Variants in SEC23A observed in about 807,000 individuals in gnomAD.
SEC23A encodes the protein SEC23 homolog A, COPII component, also known as protein transport protein Sec23A.
SEC23A carries 56 observed loss-of-function variants against 103.7 expected under a neutral mutation model. The observed-to-expected ratio is 0.54, with a 90% confidence interval of 0.44 to 0.67. The LOEUF (loss-of-function observed/expected upper bound fraction) is 0.67, where lower values mean the gene tolerates loss of function less well. Among genes scored for constraint, SEC23A ranks in the 30% least tolerant of loss-of-function variants. SEC23A has a pLI of 0.00. For synonymous variants in SEC23A, 281 were observed against 293.0 expected (o/e 0.96, Z 0.42); for missense variants, 784 against 936.4 (o/e 0.84, Z 2.12).
rs925992183 is a variant in SEC23A, at chr14:39,103,191, C to A, written c.-181G>T. ...GGCGCCACCCCGCCCCGGGCCTCAG[C>A]GAAGACCTCCGCCCGGCCAACATGG... On this transcript the variant is annotated 5_prime_UTR_variant, in exon 1 of 20. Coordinates refer to ENST00000307712, the MANE Select transcript of SEC23A (RefSeq NM_006364.4). The A allele has an allele frequency of 6.6e-6, 1 of 152,552 alleles. No homozygotes were observed. Among genetic ancestry groups the A allele is most frequent in the Admixed American group, 6.5e-5 (1 of 15,308 alleles). 9.4% of individuals were successfully genotyped at this position (152,552 alleles called of 1,614,324 possible). A position where few individuals can be genotyped will look rare whatever the true frequency, so the allele number is the denominator to read the frequency against.
chr14:39,076,096 A>G lies in SEC23A; in HGVS notation c.829-3T>C, dbSNP rs774044821. The G allele has an allele frequency of 1.2e-6, 2 of 1,604,528 alleles. No homozygotes were observed. The highest frequency in any genetic ancestry group is 1.1e-5 in the South Asian group (1 of 90,082). ...GCACCAGTGTTGGGAAAAGTACACT[A>G]TTAAAAAAAAAGTCAAGAGTTTAAA... On this transcript the variant is annotated splice_region_variant and splice_polypyrimidine_tract_variant and intron_variant, in intron 7 of 19. Coordinates refer to ENST00000307712, the MANE Select transcript of SEC23A (RefSeq NM_006364.4).
At chr14:39,071,727 C>T (rs886237283) in intron 9 of SEC23A, among the ~76,000 whole-genome samples, 5 of 149,912 alleles carry the variant, frequency 3.3e-5, no homozygotes, top group African/African-American at 4.9e-5. Context: ...ATTAGTTGGG[C>T]GTGGTGGCAG....
chr14:39,102,180 C>A (rs1251940673), intron 1 of SEC23A, among the ~76,000 whole-genome samples: 1 of 151,486 alleles, frequency 6.6e-6, no homozygotes, highest in Non-Finnish European at 1.5e-5. Context: ...TGCAGTGAGC[C>A]GAGATTGCGC....
At chr14:39,034,174 C>G (rs1341662655) in intron 19 of SEC23A, among the ~76,000 whole-genome samples, 2 of 152,178 alleles carry the variant, frequency 1.3e-5, no homozygotes, top group Admixed American at 6.5e-5. Flanking sequence ...GAGGCAATCC[C>G]TTACTGGGAT....
intron 18 of SEC23A, 137 bp from the exon 19 acceptor site, chr14:39,039,233 G>T (rs962539825): frequency 4.1e-6 from 3 of 735,556 alleles, no homozygotes; most frequent in Admixed American, 5.3e-5. Context: ...ATTTTTAAAA[G>T]ATTAAACTTT....
intron 19 of SEC23A, among the ~76,000 whole-genome samples, chr14:39,038,814 C>T (rs1398400312): frequency 1.3e-5 from 2 of 152,176 alleles, no homozygotes; most frequent in East Asian, 1.9e-4. Context: ...TGCTTTTTGT[C>T]TCAAGGGTAT....
At chr14:39,074,394 T>C in intron 9 of SEC23A, 21 bp downstream of exon 9, 7 of 1,451,190 alleles carry the variant, frequency 4.8e-6, no homozygotes, top group Non-Finnish European at 6.8e-6. Flanking sequence ...TTACAAAAAC[T>C]GTAAAAATTT....
At chr14:39,055,001 A>G in intron 14 of SEC23A, 142 bp downstream of exon 14, 1 of 902,092 alleles carries the variant, frequency 1.1e-6, no homozygotes, top group South Asian at 1.5e-5. Context: ...TTACTGTGCT[A>G]CTGTCTCAGT....
intron 19 of SEC23A, among the ~76,000 whole-genome samples, chr14:39,035,766 A>G (rs1566477410): frequency 1.3e-5 from 2 of 152,244 alleles, no homozygotes; most frequent in Non-Finnish European, 2.9e-5. Flanking sequence ...TGGAAAATCA[A>G]AAATGAAAAT....
Position 39,095,991 on chromosome 14 carries a change from G to A in SEC23A, c.128C>T (p.Thr43Ile), listed in dbSNP as rs1384960060. 3.1e-6 allele frequency: 5 copies of A among 1,614,120 alleles called. No homozygotes were observed. Among genetic ancestry groups the A allele is most frequent in the Non-Finnish European group, 3.4e-6 (4 of 1,179,992 alleles). ...TAAGTCAGGTCTCTCTTTCAGTGGT[G>A]TAAACAGGGCTGCCACAGGAACAAC... is the stretch of plus-strand genomic sequence containing the variant. ...RMVVPVAALF[T>I]PLKERPDLPP... Residue 43 changes from threonine (T) to isoleucine (I), a missense_variant, in exon 2 of 20, where the codon ACA becomes ATA. This residue lies in a region of SEC23A where 683 missense variants were observed against 774.2 expected (regional missense o/e 0.88). Transcript: ENST00000307712.
chr14:39,072,223 C>G (rs892205597), intron 9 of SEC23A, among the ~76,000 whole-genome samples: 2 of 150,478 alleles, frequency 1.3e-5, no homozygotes, highest in African/African-American at 4.9e-5. Flanking sequence ...CAAAGTGAGA[C>G]TCTGTCTCAA....
At chr14:39,058,602 C>T (rs757392844) in intron 13 of SEC23A, among the ~76,000 whole-genome samples, 109 of 152,266 alleles carry the variant, frequency 7.2e-4, no homozygotes, top group African/African-American at 2.5e-3. Context: ...CCACCGCGCC[C>T]GGCCTTCTTT....
intron 14 of SEC23A, among the ~76,000 whole-genome samples, chr14:39,053,962 G>A (rs1886156095): frequency 6.6e-6 from 1 of 152,204 alleles, no homozygotes; most frequent in South Asian, 2.1e-4. Flanking sequence ...GTGAGACCCA[G>A]TCTCAACAAA....
At chr14:39,094,433 TA>T (rs1887810776) in intron 2 of SEC23A, among the ~76,000 whole-genome samples, 13 of 44,194 alleles carry the variant, frequency 2.9e-4, no homozygotes, top group African/African-American at 8.3e-4. Flanking sequence ...TATATATATA[TA>T]TATATATATT....
rs908384479 is a variant in SEC23A at position 39,089,047 on chromosome 14, G to A, written c.604-2039C>T. On this transcript the variant is annotated intron_variant, in intron 5 of 19. Transcript: ENST00000307712. The stretch of plus-strand genomic sequence containing the variant: ...AAATTAGCCGGGTGTGGTGGCATGC[G>A]CCTGTAGTCCCAGCTACTCGGGAGG... Among the ~76,000 whole-genome samples, 8 of 149,276 alleles carry A rather than the reference G, an allele frequency of 5.4e-5. No individual in the cohort carries two copies. The East Asian group carries it at 1.2e-3, about 23-fold the overall frequency.
chr14:39,046,655 C>T (rs1023737179), intron 15 of SEC23A, among the ~76,000 whole-genome samples: 2 of 152,096 alleles, frequency 1.3e-5, no homozygotes, highest in African/African-American at 4.8e-5. Context: ...TTAATATCTT[C>T]CCTATACCTA....
At chr14:39,098,460 T>G (rs1887968731) in intron 1 of SEC23A, among the ~76,000 whole-genome samples, 1 of 152,154 alleles carries the variant, frequency 6.6e-6, no homozygotes, top group Admixed American at 6.6e-5. Flanking sequence ...GCCTACTATG[T>G]ACCCACAAAA....
At chr14:39,066,124 T>G (rs2139234690) in intron 10 of SEC23A, among the ~76,000 whole-genome samples, 1 of 152,040 alleles carries the variant, frequency 6.6e-6, no homozygotes, top group South Asian at 2.1e-4. Context: ...GTTTTTATAA[T>G]TTACCATTAT....
intron 1 of SEC23A, among the ~76,000 whole-genome samples, chr14:39,102,377 C>T (rs1888134134): frequency 1.3e-5 from 2 of 152,194 alleles, no homozygotes; most frequent in African/African-American, 2.4e-5. Flanking sequence ...TGGCTTTGGA[C>T]GGTAGAGGTT....
Sources: gnomAD v4.1 joint callset for allele counts (sites outside exome capture counted in the v4.1 genomes callset) on GRCh38, gnomAD v4.1.1 for gene constraint, gnomAD v4.1.1 regional missense constraint, MANE v1.5 for transcripts, NCBI Gene and HGNC (gene_info 2026-07-23, HGNC 2026-07-21) for gene names.